LINGO1: variants seen among roughly 807,000 people sequenced by gnomAD.
LINGO1 encodes leucine rich repeat and Ig domain containing 1.
Under a neutral mutation model 37.3 loss-of-function variants are expected in LINGO1, and 11 were observed. That is an observed-to-expected ratio of 0.29 (90% CI 0.19 to 0.49). The LOEUF is 0.49. Among genes scored for constraint, LINGO1 ranks in the 20% least tolerant of loss-of-function variants. The pLI is 0.99. For synonymous variants in LINGO1, 387 were observed against 403.0 expected (o/e 0.96, Z 0.48); for missense variants, 585 against 878.2 (o/e 0.67, Z 4.22).
chr15:77,743,302 G>A (rs1278689862), intron 1 of LINGO1, among the ~76,000 whole-genome samples: 1 of 152,116 alleles, frequency 6.6e-6, no homozygotes, highest in Non-Finnish European at 1.5e-5. Context: ...CGTTCTCCAG[G>A]GGCAGGGCAG....
chr15:77,735,818 C>A (rs991468426), intron 1 of LINGO1, among the ~76,000 whole-genome samples: 3 of 152,188 alleles, frequency 2.0e-5, no homozygotes, highest in Non-Finnish European at 2.9e-5. Flanking sequence ...AAGCCCACAC[C>A]CTCAAGGAGT....
At chr15:77,693,076 GCACACACA>G (rs368491086) in intron 1 of LINGO1, among the ~76,000 whole-genome samples, 2 of 151,898 alleles carry the variant, frequency 1.3e-5, no homozygotes, top group Non-Finnish European at 2.9e-5. Context: ...GTGCACGCGT[GCACACACA>G]CACACGCACA....
chr15:77,747,141 C>T (rs529664654), intron 1 of LINGO1, among the ~76,000 whole-genome samples: 3 of 152,190 alleles, frequency 2.0e-5, no homozygotes, highest in African/African-American at 4.8e-5. Context: ...CCACCCTATC[C>T]GCAGGCCCAG....
At chr15:77,778,158 G>A (rs553537075) in intron 1 of LINGO1, among the ~76,000 whole-genome samples, 3 of 152,158 alleles carry the variant, frequency 2.0e-5, no homozygotes, top group Non-Finnish European at 4.4e-5. Context: ...TGGTGACCAC[G>A]GTCATCCCTT....
chr15:77,717,014 G>A (rs972065893), intron 2 of LINGO1, among the ~76,000 whole-genome samples: 45 of 150,446 alleles, frequency 3.0e-4, no homozygotes, highest in African/African-American at 9.7e-4. Context: ...AAGGGAAACA[G>A]GAGAGAGGAG....
chr15:77,661,755 G>A (rs1215123239), intron 3 of LINGO1, among the ~76,000 whole-genome samples: 1 of 152,184 alleles, frequency 6.6e-6, no homozygotes, highest in African/African-American at 2.4e-5. Flanking sequence ...CTTCCCAGCG[G>A]GGCCTGAGCA....
intron 1 of LINGO1, among the ~76,000 whole-genome samples, chr15:77,739,712 A>G (rs1284290018): frequency 6.6e-6 from 1 of 152,216 alleles, no homozygotes; most frequent in African/African-American, 2.4e-5. Context: ...TTCTCAAAGC[A>G]TTTCAGGAGG....
intron 3 of LINGO1, among the ~76,000 whole-genome samples, chr15:77,675,728 A>G (rs976652551): frequency 2.0e-5 from 3 of 152,214 alleles, no homozygotes; most frequent in Admixed American, 1.3e-4. Flanking sequence ...ATACATAGAT[A>G]ATAGGTAACA....
intron 1 of LINGO1, among the ~76,000 whole-genome samples, chr15:77,773,186 A>C (rs2076603046): frequency 6.6e-6 from 1 of 152,172 alleles, no homozygotes; most frequent in Non-Finnish European, 1.5e-5. Flanking sequence ...CTCAGTCTCC[A>C]CATCTGAGCA....
intron 1 of LINGO1, among the ~76,000 whole-genome samples, chr15:77,776,554 G>GAGTA (rs2076656487): frequency 1.9e-4 from 11 of 57,676 alleles, no homozygotes; most frequent in East Asian, 5.5e-4. Context: ...GGGAGGGAGG[G>GAGTA]AGGGAGCTGA....
chr15:77,745,952 GGGCAC>G (rs964927171), intron 1 of LINGO1, among the ~76,000 whole-genome samples: 10 of 152,116 alleles, frequency 6.6e-5, no homozygotes, highest in Non-Finnish European at 1.2e-4. Context: ...ACCAGGAGCT[GGGCAC>G]GGTGGCTCAC....
chr15:77,627,159 G>T lies in LINGO1; in HGVS notation c.6+5151C>A, dbSNP rs141924191. ...CCTAATAACATGTAATAAGAGGTTG[G>T]AGACGAGGAACAATGCCCTGGTAAT... On this transcript the variant is annotated intron_variant, in intron 1 of 1. Transcript: ENST00000355300. 1.6e-4 allele frequency among the ~76,000 whole-genome samples: 24 copies of T among 152,280 alleles called. No homozygotes were observed. In the East Asian group the frequency reaches 3.9e-3, roughly 25 times the overall value.
At chr15:77,728,326 C>T (rs1322749550) in intron 2 of LINGO1, among the ~76,000 whole-genome samples, 2 of 152,258 alleles carry the variant, frequency 1.3e-5, no homozygotes, top group African/African-American at 2.4e-5. Context: ...AGGTGGGCTG[C>T]ACCAGCGTCT....
At chr15:77,625,621 T>A (rs1596002177) in intron 1 of LINGO1, among the ~76,000 whole-genome samples, 1 of 152,264 alleles carries the variant, frequency 6.6e-6, no homozygotes, top group East Asian at 1.9e-4. Context: ...GCTAGTATTA[T>A]CCCCATTTTA....
intron 1 of LINGO1, among the ~76,000 whole-genome samples, chr15:77,745,086 C>G (rs1038784994): frequency 6.8e-6 from 1 of 147,498 alleles, no homozygotes; most frequent in African/African-American, 2.5e-5. Context: ...CCACTGCACT[C>G]CAGCACTCCA....
intron 1 of LINGO1, among the ~76,000 whole-genome samples, chr15:77,810,346 G>GCACACACACACACA (rs138640024): frequency 4.7e-5 from 7 of 148,874 alleles, no homozygotes; most frequent in Admixed American, 1.3e-4. Context: ...ACACACACAT[G>GCACACACACACACA]CACACACACA....
chr15:77,668,998 C>A (rs376538849), intron 3 of LINGO1, among the ~76,000 whole-genome samples: 263 of 152,354 alleles, frequency 1.7e-3, no homozygotes, highest in African/African-American at 6.3e-3. Context: ...CAAAGCCCAG[C>A]GTGGCCTGAA....
intron 1 of LINGO1, among the ~76,000 whole-genome samples, chr15:77,620,830 G>A (rs980068965): frequency 1.3e-5 from 2 of 152,142 alleles, no homozygotes; most frequent in Admixed American, 6.5e-5. Context: ...GGTGAAGGAC[G>A]GTAGTTAGGG....
In LINGO1 at chr15:77,626,342, AG is replaced by A. The variant is rs1194736617; in HGVS notation, c.6+5967del. ...TAACCCTCTAAAACATCACAAACCAAGGTCCAGTGAGTTCTGTTTAACATGG... is the reference window on the plus strand; with the variant it reads ...TAACCCTCTAAAACATCACAAACCAAGTCCAGTGAGTTCTGTTTAACATGG... On this transcript the variant is annotated intron_variant, in intron 1 of 1. Coordinates refer to ENST00000355300, the MANE Select transcript of LINGO1 (RefSeq NM_032808.7). Among the ~76,000 whole-genome samples, 4 of 152,224 alleles carry A rather than the reference AG, an allele frequency of 2.6e-5. No homozygotes were observed. The South Asian group carries it at 8.3e-4, about 32-fold the overall frequency.
Sources: allele counts gnomAD v4.1 joint callset (sites outside exome capture counted in the v4.1 genomes callset), GRCh38; gene constraint gnomAD v4.1.1; transcripts MANE v1.5; gene names NCBI Gene and HGNC (gene_info 2026-07-23, HGNC 2026-07-21).